The following INPP5A variants were observed in gnomAD, a reference collection of about 807,000 sequenced individuals.
INPP5A encodes the protein 43 kDa inositol polyphosphate 5-phophatase.
INPP5A carries 14 observed loss-of-function variants against 65.2 expected under a neutral mutation model. That is an observed-to-expected ratio of 0.21 (90% confidence interval 0.14 to 0.34). INPP5A has a LOEUF of 0.34. Ranked by LOEUF, INPP5A falls within the 10% of genes least tolerant of loss-of-function variation. The pLI is 1.00. For missense variants in INPP5A, 431 were observed against 545.6 expected, an observed-to-expected ratio of 0.79 and a Z score of 2.09; for synonymous variants, 207 against 208.3, an observed-to-expected ratio of 0.99 and a Z score of 0.05.
At chr10:132,541,253 C>T (rs905903359) in intron 1 of INPP5A, among the ~76,000 whole-genome samples, 1 of 152,202 alleles carries the variant, frequency 6.6e-6, no homozygotes, top group Non-Finnish European at 1.5e-5. Context: ...GCTGGGATTA[C>T]AGGTGTGAGC....
intron 1 of INPP5A, among the ~76,000 whole-genome samples, chr10:132,581,596 G>A (rs975644087): frequency 7.2e-5 from 11 of 152,138 alleles, no homozygotes; most frequent in African/African-American, 2.7e-4. Flanking sequence ...GGTGTGCAGT[G>A]GGACCTCACT....
intron 4 of INPP5A, among the ~76,000 whole-genome samples, chr10:132,687,546 G>A (rs1015658036): frequency 3.9e-5 from 6 of 152,228 alleles, no homozygotes; most frequent in African/African-American, 1.4e-4. Flanking sequence ...ACCCACCTGC[G>A]AGAGAAGAGG....
chr10:132,728,277 C>T (rs962894495), intron 9 of INPP5A, among the ~76,000 whole-genome samples: 2 of 152,242 alleles, frequency 1.3e-5, no homozygotes, highest in African/African-American at 4.8e-5. Context: ...GCAGGGGCCC[C>T]GAAGTCCTTT....
rs1845176308 is a variant in INPP5A, at chr10:132,688,316, A to G, written c.307-2076A>G. Among the ~76,000 whole-genome samples the G allele has an allele frequency of 2.6e-5, 4 of 152,138 alleles. No homozygotes were observed. In the South Asian group the frequency reaches 8.3e-4, roughly 32 times the overall value. ...GCCTCCTGACGCCCCAGTGTGGTGCACCTTCTTGCAGCCCTGCCCCCAGGA... is the reference window on the plus strand; with the variant it reads ...GCCTCCTGACGCCCCAGTGTGGTGCGCCTTCTTGCAGCCCTGCCCCCAGGA... On this transcript the variant is annotated intron_variant, in intron 4 of 15. Coordinates refer to ENST00000368594, the MANE Select transcript of INPP5A (RefSeq NM_005539.5).
At chr10:132,596,991 G>A (rs1052500396) in intron 1 of INPP5A, among the ~76,000 whole-genome samples, 2 of 151,516 alleles carry the variant, frequency 1.3e-5, no homozygotes, top group Non-Finnish European at 2.9e-5. Flanking sequence ...GTGCATGCAC[G>A]TGTGTTTGTG....
chr10:132,710,399 C>T lies in INPP5A; in HGVS notation c.590C>T (p.Thr197Ile). 3.7e-6 allele frequency: 6 copies of T among 1,614,164 alleles called. No homozygotes were observed. The highest frequency in any genetic ancestry group is 5.1e-6 in the Non-Finnish European group (6 of 1,180,030). ...GCTTCCAATCTGGTCGCCTGGGAAA[C>T]AAGCCCTTCCGTGTACTCGGGAATC... Reference protein sequence around the residue: ...HDASNLVAWETSPSVYSGIRH... With the variant: ...HDASNLVAWEISPSVYSGIRH... Residue 197 changes from threonine to isoleucine, a missense_variant, in exon 8 of 16, where the codon ACA becomes ATA. Coordinates refer to ENST00000368594, the MANE Select transcript of INPP5A (RefSeq NM_005539.5).
rs1014707303 is a variant in INPP5A at position 132,773,679 on chromosome 10, G to A, written c.978-3992G>A. Among the ~76,000 whole-genome samples, 4 of 152,216 alleles carry A rather than the reference G, an allele frequency of 2.6e-5. No individual in the cohort carries two copies. In the East Asian group the frequency reaches 7.7e-4, roughly 29 times the overall value. On this transcript the variant is annotated intron_variant, in intron 12 of 15. Transcript: ENST00000368594. ...ATACAGACTGTGGGACCTGTGCCGA[G>A]GGGGAGGACAGTGAGGGAACCCGTC...
At chr10:132,696,134 C>T (rs1000536009) in intron 5 of INPP5A, among the ~76,000 whole-genome samples, 1 of 152,208 alleles carries the variant, frequency 6.6e-6, no homozygotes, top group Non-Finnish European at 1.5e-5. Flanking sequence ...CTTGGACTTC[C>T]CATCCCTCCA....
intron 4 of INPP5A, among the ~76,000 whole-genome samples, chr10:132,685,170 A>G (rs2073098709): frequency 6.6e-6 from 1 of 152,122 alleles, no homozygotes; most frequent in Non-Finnish European, 1.5e-5. Flanking sequence ...TTTCTGAGTC[A>G]CTGTTGATAA....
At chr10:132,563,977 C>G (rs183240104) in intron 1 of INPP5A, among the ~76,000 whole-genome samples, 97 of 152,194 alleles carry the variant, frequency 6.4e-4, no homozygotes, top group African/African-American at 2.1e-3. Flanking sequence ...ATACCTGAAC[C>G]GAGAGGCCCG....
chr10:132,730,369 G>T (rs530878228), intron 9 of INPP5A, among the ~76,000 whole-genome samples: 1 of 152,366 alleles, frequency 6.6e-6, no homozygotes, highest in Admixed American at 6.5e-5. Flanking sequence ...AGTGCAGCCG[G>T]GTGGGCTGGT....
Position 132,638,677 on chromosome 10 carries a change from C to A in INPP5A, c.118-7191C>A, listed in dbSNP as rs1038523701. 2.6e-5 allele frequency among the ~76,000 whole-genome samples: 4 copies of A among 152,304 alleles called. No homozygotes were observed. In the East Asian group the frequency reaches 7.7e-4, roughly 29 times the overall value. ...CTGCCTCTTGGGCTTATGTGATTCT[C>A]CTGCCTTAGCCTCCCAAGTAGCTGG... is the stretch of plus-strand genomic sequence containing the variant. On this transcript the variant is annotated intron_variant, in intron 2 of 15. Transcript: ENST00000368594.
chr10:132,633,398 T>C (rs971055704), intron 2 of INPP5A, among the ~76,000 whole-genome samples: 15 of 152,216 alleles, frequency 9.9e-5, no homozygotes, highest in Non-Finnish European at 1.9e-4. Flanking sequence ...ATGAGCTATT[T>C]TGAGTTTCTC....
intron 4 of INPP5A, among the ~76,000 whole-genome samples, chr10:132,653,011 G>T (rs2133402612): frequency 6.6e-6 from 1 of 152,286 alleles, no homozygotes; most frequent in Non-Finnish European, 1.5e-5. Flanking sequence ...CGGAGGGGCA[G>T]TGCCCGCCAC....
chr10:132,702,011 C>T (rs1252640248), intron 6 of INPP5A, among the ~76,000 whole-genome samples: 1 of 152,246 alleles, frequency 6.6e-6, no homozygotes, highest in Non-Finnish European at 1.5e-5. Context: ...GCATCCCACC[C>T]TAAACCCAAG....
chr10:132,624,522 G>T (rs1051705063), intron 2 of INPP5A, among the ~76,000 whole-genome samples: 1 of 151,820 alleles, frequency 6.6e-6, no homozygotes, highest in Admixed American at 6.5e-5. Flanking sequence ...ACTTCCACCG[G>T]CGTGTCTGCA....
At chr10:132,631,151 C>T (rs374453635) in intron 2 of INPP5A, among the ~76,000 whole-genome samples, 28 of 152,296 alleles carry the variant, frequency 1.8e-4, no homozygotes, top group Admixed American at 1.2e-3. Context: ...AGGCTGCCTG[C>T]GGTGAGGTCA....
Position 132,712,597 on chromosome 10 carries a change from TGC to T in INPP5A, c.647+2145_647+2146del, listed in dbSNP as rs1416476310. On this transcript the variant is annotated intron_variant, in intron 8 of 15. Transcript: ENST00000368594. ...CTGCATGTGAGTGCGGGTGTATGTG[TGC>T]GCGGGTGTGTGGGTGCATGTGTGTG... 2.0e-5 allele frequency among the ~76,000 whole-genome samples: 3 copies of T among 151,616 alleles called. No individual in the cohort carries two copies. In the South Asian group the frequency reaches 6.2e-4, roughly 31 times the overall value.
intron 2 of INPP5A, among the ~76,000 whole-genome samples, chr10:132,638,423 G>A (rs2072384643): frequency 6.6e-6 from 1 of 152,164 alleles, no homozygotes; most frequent in Admixed American, 6.5e-5. Context: ...CCTCTCTTGT[G>A]GTGTTTCTTG....
Sources: allele counts gnomAD v4.1 joint callset (sites outside exome capture counted in the v4.1 genomes callset), GRCh38; gene constraint gnomAD v4.1.1; transcripts MANE v1.5; gene names NCBI Gene and HGNC (gene_info 2026-07-23, HGNC 2026-07-21).